DOP1A: variants seen among roughly 807,000 people sequenced by gnomAD.
DOP1A encodes the protein protein DOP1A.
Under a neutral mutation model 267.6 loss-of-function variants are expected in DOP1A, and 90 were observed. The ratio of observed to expected loss-of-function variants is 0.34; its 90% CI spans 0.28 to 0.40. DOP1A has a LOEUF of 0.40. DOP1A is among the 10% of genes least tolerant of loss of function. The pLI is 1.00. For missense variants in DOP1A, 2,437 were observed against 2,900.4 expected (o/e 0.84, Z 3.67); for synonymous variants, 932 against 999.1 (o/e 0.93, Z 1.27).
At position 83,108,956 on chromosome 6, in the gene DOP1A, C is replaced by T. The variant is rs1275385414; in HGVS notation, c.367C>T (p.Pro123Ser). The change falls in exon 5 of 39, where the codon CCA becomes TCA. Residue 123 changes from proline to serine, a missense_variant. Transcript: ENST00000349129. ...TGCAAATGCTGCCATGTCTGTGAAA[C>T]CAACATTGCTCAGTTTGTATGAGAT... ...LLANAAMSVK[P>S]TLLSLYEIYY... 6.2e-7 allele frequency: 1 copy of T among 1,613,364 alleles called. No individual in the cohort carries two copies. The highest frequency in any genetic ancestry group is 8.5e-7 in the Non-Finnish European group (1 of 1,179,744).
rs771906671 is a variant in DOP1A at position 83,124,784 on chromosome 6, T to G, written c.1420T>G (p.Leu474Val). Residue 474 changes from leucine (L) to valine (V), a missense_variant, in exon 13 of 39, where the codon TTA becomes GTA. Physicochemically the swap from Leu to Val is conservative, Grantham distance 32. Coordinates refer to ENST00000349129, the MANE Select transcript of DOP1A (RefSeq NM_015018.4). ...SSELQLTNFC[L>V]LVDFLLDIVS... ...TGAATTACAGCTGACCAATTTCTGC[T>G]TACTGGTGGATTTTTTGTTGGACAT... The G allele has an allele frequency of 1.9e-6, 3 of 1,613,284 alleles. No homozygotes were observed. In the South Asian group the frequency reaches 3.3e-5, roughly 18 times the overall value.
At chr6:83,115,565 A>G (rs1034831379) in intron 7 of DOP1A, among the ~76,000 whole-genome samples, 10 of 152,156 alleles carry the variant, frequency 6.6e-5, no homozygotes, top group Non-Finnish European at 8.8e-5. Context: ...TACTAAAAAT[A>G]CAAAAAAAAT....
At chr6:83,123,544 A>G (rs1776674857) in intron 12 of DOP1A, among the ~76,000 whole-genome samples, 1 of 152,082 alleles carries the variant, frequency 6.6e-6, no homozygotes, top group South Asian at 2.1e-4. Flanking sequence ...GCCCAGGAGC[A>G]TGTAGTCAAA....
At chr6:83,158,677 C>T (rs1463408897) in intron 36 of DOP1A, 55 bp downstream of exon 36, 1 of 1,181,008 alleles carries the variant, frequency 8.5e-7, no homozygotes, top group African/African-American at 1.5e-5. Flanking sequence ...TGAAATTATT[C>T]AGAATATTAC....
At position 83,107,733 on chromosome 6, in the gene DOP1A, T is replaced by A. The variant is rs115256771; in HGVS notation, c.321-1177T>A. ...GCTTCTTAGGCTGAGGCCTGAAAGT[T>A]TGGGAATCCCCCAGACAAGGAGGGT... On this transcript the variant is annotated intron_variant, in intron 4 of 38. Coordinates refer to ENST00000349129, the MANE Select transcript of DOP1A (RefSeq NM_015018.4). 3.8e-3 allele frequency among the ~76,000 whole-genome samples: 584 copies of A among 152,258 alleles called. 3 individuals carry two copies. Among genetic ancestry groups the A allele is most frequent in the African/African-American group, 0.014 (564 of 41,552 alleles).
Position 83,137,758 on chromosome 6 carries a change from C to G in DOP1A, c.3716C>G (p.Pro1239Arg). 6.2e-7 allele frequency: 1 copy of G among 1,613,772 alleles called. No individual in the cohort carries two copies. The highest frequency in any genetic ancestry group is 1.1e-5 in the South Asian group (1 of 91,060). Reference sequence around the variant, plus strand: ...GGAATCTCCAGGAATAGCTCCTCACCTTGTATTTCAGGAACCACACACACT... The same window carrying G: ...GGAATCTCCAGGAATAGCTCCTCACGTTGTATTTCAGGAACCACACACACT... ...ANGISRNSSS[P>R]CISGTTHTLH... Residue 1239 changes from proline (P) to arginine (R), a missense_variant, in exon 21 of 39, where the codon CCT (proline) becomes CGT (arginine). Pro to Arg is a moderately radical substitution (Grantham distance 103). This residue lies in a region of DOP1A where 878 missense variants were observed against 992.9 expected (regional missense o/e 0.88). Coordinates refer to ENST00000349129, the MANE Select transcript of DOP1A (RefSeq NM_015018.4).
intron 4 of DOP1A, among the ~76,000 whole-genome samples, chr6:83,107,074 T>A (rs1300069970): frequency 1.3e-5 from 2 of 152,064 alleles, no homozygotes; most frequent in Non-Finnish European, 2.9e-5. Context: ...CATAAAAATA[T>A]ATATATATTT....
At chr6:83,085,558 A>G (rs1768987129) in intron 1 of DOP1A, among the ~76,000 whole-genome samples, 1 of 152,202 alleles carries the variant, frequency 6.6e-6, no homozygotes, top group African/African-American at 2.4e-5. Context: ...TTAAATGTAG[A>G]GAATAGCAAG....
In DOP1A at chr6:83,108,972, T is replaced by C; in HGVS notation, c.383T>C (p.Leu128Ser). Reference protein sequence around the residue: ...AMSVKPTLLSLYEIYYLPLGK... With the variant: ...AMSVKPTLLSSYEIYYLPLGK... ...TCTGTGAAACCAACATTGCTCAGTT[T>C]GTATGAGATATATTATCTGCCTTTG... Residue 128 changes from leucine to serine, a missense_variant, in exon 5 of 39, where the codon TTG becomes TCG. Leu to Ser is a moderately radical substitution (Grantham distance 145, BLOSUM62 -2). This residue lies in a region of DOP1A where 251 missense variants were observed against 359.1 expected (regional missense o/e 0.70). Transcript: ENST00000349129. 1 of 1,613,872 alleles carries C rather than the reference T, an allele frequency of 6.2e-7. No individual in the cohort carries two copies. Among genetic ancestry groups the C allele is most frequent in the Non-Finnish European group, 8.5e-7 (1 of 1,179,880 alleles).
intron 1 of DOP1A, among the ~76,000 whole-genome samples, chr6:83,074,643 A>AT (rs1270744275): frequency 6.6e-6 from 1 of 152,172 alleles, no homozygotes; most frequent in Non-Finnish European, 1.5e-5. Context: ...ATATTGGGTG[A>AT]TTTTTGCCTA....
downstream of DOP1A, chr6:83,170,548 C>T: frequency 8.1e-7 from 1 of 1,230,236 alleles, no homozygotes; most frequent in African/African-American, 1.5e-5. Flanking sequence ...GTTAAACATA[C>T]ATTCTACGAA....
At chr6:83,083,136 CAAAAATA>C (rs1192200031) in intron 1 of DOP1A, among the ~76,000 whole-genome samples, 1 of 151,494 alleles carries the variant, frequency 6.6e-6, no homozygotes, top group African/African-American at 2.4e-5. Flanking sequence ...AGATAACAAC[CAAAAATA>C]AAAACTTCTG....
intron 34 of DOP1A, 34 bp from the exon 35 acceptor site, chr6:83,157,144 ATTAT>A: frequency 1.2e-6 from 2 of 1,600,130 alleles, no homozygotes; most frequent in Non-Finnish European, 1.7e-6. Flanking sequence ...TGTGATAAAG[ATTAT>A]TTAGTTATTG....
At chr6:83,134,118 TG>T in intron 18 of DOP1A, 68 bp from the exon 19 acceptor site, 19 of 1,362,750 alleles carry the variant, frequency 1.4e-5, no homozygotes, top group Non-Finnish European at 1.8e-5. Context: ...AATAGTACTC[TG>T]ATTTTACTAA....
In DOP1A at chr6:83,138,385, G is replaced by A; in HGVS notation, c.4343G>A (p.Arg1448Gln). The change falls in exon 21 of 39, where the codon CGG becomes CAG. Residue 1448 changes from arginine to glutamine, a missense_variant. By Grantham distance (43) the Arg-to-Gln change is conservative (BLOSUM62 1). This residue lies in a region of DOP1A where 878 missense variants were observed against 992.9 expected (regional missense o/e 0.88). Transcript: ENST00000349129. The stretch of plus-strand genomic sequence containing the variant: ...CCAGTGGACTCAAATCATAACTTCC[G>A]GAGTTCTATGTACATAGAAATTCTT... ...HIPVDSNHNF[R>Q]SSMYIEILIS... The A allele has an allele frequency of 3.7e-6, 6 of 1,610,716 alleles. No homozygotes were observed. Among genetic ancestry groups the A allele is most frequent in the African/African-American group, 1.3e-5 (1 of 75,002 alleles).
At chr6:83,125,429 A>T in intron 14 of DOP1A, 71 bp from the exon 15 acceptor site, 2 of 1,386,910 alleles carry the variant, frequency 1.4e-6, no homozygotes, top group Non-Finnish European at 1.0e-6. Flanking sequence ...TTGCCTATTT[A>T]TATAGATTAA....
At chr6:83,145,071 C>G (rs1583094718) in intron 24 of DOP1A, among the ~76,000 whole-genome samples, 1 of 132,604 alleles carries the variant, frequency 7.5e-6, no homozygotes, top group Non-Finnish European at 1.6e-5. Flanking sequence ...CCACTGCACT[C>G]CAGCCTTGGA....
chr6:83,093,355 G>A lies in DOP1A; in HGVS notation c.-146-3376G>A, dbSNP rs114659577. Among the ~76,000 whole-genome samples the A allele has an allele frequency of 3.9e-5, 6 of 152,256 alleles. No individual in the cohort carries two copies. In the East Asian group the frequency reaches 5.8e-4, roughly 15 times the overall value. On this transcript the variant is annotated intron_variant, in intron 1 of 38. Coordinates refer to ENST00000349129, the MANE Select transcript of DOP1A (RefSeq NM_015018.4). ...ATTGAAGTAGAGAATTGGGAAACTC[G>A]TATAGCCTCTCTTTGGCACAACCTT...
chr6:83,120,588 C>T (rs532242271), intron 9 of DOP1A, 95 bp from the exon 10 acceptor site: 101 of 1,002,814 alleles, frequency 1.0e-4, no homozygotes, highest in African/African-American at 6.5e-4. Flanking sequence ...TATAAGTCTC[C>T]GTTATATATG....
Sources: allele counts gnomAD v4.1 joint callset (sites outside exome capture counted in the v4.1 genomes callset), GRCh38; gene constraint gnomAD v4.1.1; regional missense constraint gnomAD v4.1.1; transcripts MANE v1.5; gene names NCBI Gene and HGNC (gene_info 2026-07-23, HGNC 2026-07-21).